The following SLC24A4 variants were observed in gnomAD, a reference collection of about 807,000 sequenced individuals.
SLC24A4 encodes the protein sodium/potassium/calcium exchanger 4.
A neutral mutation model predicts 79.0 loss-of-function variants in SLC24A4; 53 were observed. The observed-to-expected ratio is 0.67, with a 90% CI of 0.54 to 0.84. The LOEUF (loss-of-function observed/expected upper bound fraction) is 0.84. SLC24A4 is among the 40% of genes least tolerant of loss of function. The probability of loss-of-function intolerance (pLI) is 0.00; values close to 1 mark genes in which losing one functional copy is unlikely to be tolerated. For synonymous variants in SLC24A4, 323 were observed against 323.8 expected, an observed-to-expected ratio of 1.00 and a Z score of 0.03; for missense variants, 731 against 822.0, an observed-to-expected ratio of 0.89 and a Z score of 1.35.
At position 92,493,608 on chromosome 14, in the gene SLC24A4, A is replaced by T; in HGVS notation, c.1849A>T (p.Met617Leu). 1 of 1,614,156 alleles carries T rather than the reference A, an allele frequency of 6.2e-7. No individual in the cohort carries two copies. ...FNVFTFVNLP[M>L]CREDD ...CGTCTTTACCTTCGTCAACTTGCCG[A>T]TGTGCCGGGAAGACGATTAGCGCTG... The change falls in exon 17 of 17, where the codon ATG (methionine) becomes TTG (leucine). Residue 617 changes from methionine (M) to leucine (L), a missense_variant. Coordinates refer to ENST00000532405, the MANE Select transcript of SLC24A4 (RefSeq NM_153646.4).
intron 8 of SLC24A4, among the ~76,000 whole-genome samples, chr14:92,446,474 G>A (rs1024419048): frequency 7.2e-5 from 11 of 152,186 alleles, no homozygotes; most frequent in African/African-American, 1.9e-4. Context: ...CAATCAGGCC[G>A]AGGACATCAG....
intron 12 of SLC24A4, among the ~76,000 whole-genome samples, chr14:92,458,105 A>C (rs919257244): frequency 6.6e-6 from 1 of 152,180 alleles, no homozygotes; most frequent in Non-Finnish European, 1.5e-5. Context: ...CTCTTCCCAA[A>C]ATGCCAGGCC....
intron 2 of SLC24A4, among the ~76,000 whole-genome samples, chr14:92,347,788 T>A (rs952208151): frequency 6.6e-6 from 1 of 151,882 alleles, no homozygotes; most frequent in Non-Finnish European, 1.5e-5. Context: ...TTAGCCAGGC[T>A]TGGTGGTGGG....
chr14:92,342,758 A>G (rs1397369209), intron 2 of SLC24A4, among the ~76,000 whole-genome samples: 2 of 152,236 alleles, frequency 1.3e-5, no homozygotes, highest in African/African-American at 4.8e-5. Context: ...AAGAATTTCC[A>G]TGGCTTTTTA....
chr14:92,347,627 G>C lies in SLC24A4; in HGVS notation c.241+21649G>C, dbSNP rs376334997. 1.9e-4 allele frequency among the ~76,000 whole-genome samples: 29 copies of C among 152,144 alleles called. No individual in the cohort carries two copies. The East Asian group carries it at 3.7e-3, about 19-fold the overall frequency. On this transcript the variant is annotated intron_variant, in intron 2 of 16. Transcript: ENST00000532405. Reference sequence around the variant, plus strand: ...TCTCAAGGCTTTTTGGAAGTATTTGGGTTATAAAAATACTTTCAAGGCCGG... The same window carrying C: ...TCTCAAGGCTTTTTGGAAGTATTTGCGTTATAAAAATACTTTCAAGGCCGG...
chr14:92,464,818 C>T (rs1894012304), intron 12 of SLC24A4, among the ~76,000 whole-genome samples: 2 of 152,200 alleles, frequency 1.3e-5, no homozygotes, highest in African/African-American at 4.8e-5. Flanking sequence ...TGAAGAAAAG[C>T]AGTGAAGCCA....
rs1191862570 is a variant in SLC24A4, at chr14:92,496,524, C to A, written c.*2896C>A. On this transcript the variant is annotated 3_prime_UTR_variant, in exon 17 of 17. Coordinates refer to ENST00000532405, the MANE Select transcript of SLC24A4 (RefSeq NM_153646.4). ...CTCAGATGGAAAATGCCTATAGACA[C>A]AGGAGCAGGTGGTTCCTGTGGACTT... The A allele has an allele frequency of 1.3e-5, 2 of 151,946 alleles. No individual in the cohort carries two copies. The highest frequency in any genetic ancestry group is 4.8e-5 in the African/African-American group (2 of 41,332). 9.4% of individuals were successfully genotyped at this position (151,946 alleles called of 1,614,324 possible). A position where few individuals can be genotyped will look rare whatever the true frequency, so the allele number is the denominator to read the frequency against.
chr14:92,443,445 T>A lies in SLC24A4; in HGVS notation c.628T>A (p.Tyr210Asn), dbSNP rs1054170620. The A allele has an allele frequency of 2.5e-6, 4 of 1,614,078 alleles. No individual in the cohort carries two copies. Among genetic ancestry groups the A allele is most frequent in the African/African-American group, 1.3e-5 (1 of 74,934 alleles). Residue 210 changes from tyrosine (Y) to asparagine (N), a missense_variant, in exon 7 of 17, where the codon TAC (tyrosine) becomes AAC (asparagine). By Grantham distance (143) the Tyr-to-Asn change is moderately radical. Transcript: ENST00000532405. ...WWAVCRDSVY[Y>N]TISVIVLIVF... Reference sequence around the variant, plus strand: ...GGCCGTGTGCCGAGACTCCGTGTACTACACCATCTCTGTCATCGTGCTCAT... The same window carrying A: ...GGCCGTGTGCCGAGACTCCGTGTACAACACCATCTCTGTCATCGTGCTCAT...
chr14:92,436,391 CTATT>C (rs1892169142), intron 3 of SLC24A4, among the ~76,000 whole-genome samples: 1 of 152,148 alleles, frequency 6.6e-6, no homozygotes, highest in African/African-American at 2.4e-5. Flanking sequence ...GTGGAAGTGA[CTATT>C]TGGCCAGCAA....
At chr14:92,380,382 C>T (rs1375070094) in intron 2 of SLC24A4, among the ~76,000 whole-genome samples, 1 of 152,190 alleles carries the variant, frequency 6.6e-6, no homozygotes, top group Non-Finnish European at 1.5e-5. Flanking sequence ...TGGCACGTGG[C>T]CGCATTCCTG....
At chr14:92,440,292 A>G (rs1465065172) in intron 4 of SLC24A4, among the ~76,000 whole-genome samples, 1 of 152,166 alleles carries the variant, frequency 6.6e-6, no homozygotes, top group African/African-American at 2.4e-5. Flanking sequence ...GCTCGCCTCC[A>G]TCCAGACGCT....
rs745417461 is a variant in SLC24A4 at position 92,493,449 on chromosome 14, C to A, written c.1717-27C>A. 1.1e-5 allele frequency: 18 copies of A among 1,612,742 alleles called. 1 individual carries two copies. The South Asian group carries it at 1.8e-4, about 16-fold the overall frequency. ...CTCTTGTATTTCTTTGCCCTGCAAGCCCAGTTCCCACACTCTGTCCTCCCA... is the reference window on the plus strand; with the variant it reads ...CTCTTGTATTTCTTTGCCCTGCAAGACCAGTTCCCACACTCTGTCCTCCCA... On this transcript the variant is annotated intron_variant, in intron 16 of 16. Transcript: ENST00000532405.
rs149337732 is a variant in SLC24A4 at position 92,333,370 on chromosome 14, C to T, written c.241+7392C>T. Among the ~76,000 whole-genome samples the T allele has an allele frequency of 1.3e-3, 199 of 152,324 alleles. 2 individuals carry two copies. Among genetic ancestry groups the T allele is most frequent in the African/African-American group, 4.5e-3 (189 of 41,576 alleles). ...TCTGCCTCCCAAAGTGCTGGGATTA[C>T]AGGCATGAGCCACTGTGCCCGGCCC... On this transcript the variant is annotated intron_variant, in intron 2 of 16. Coordinates refer to ENST00000532405, the MANE Select transcript of SLC24A4 (RefSeq NM_153646.4).
At chr14:92,341,418 G>C (rs1485670218) in intron 2 of SLC24A4, among the ~76,000 whole-genome samples, 1 of 152,172 alleles carries the variant, frequency 6.6e-6, no homozygotes, top group East Asian at 1.9e-4. Flanking sequence ...CCCAGAAAGA[G>C]GTGGAAACTC....
chr14:92,385,704 T>C (rs8020526), intron 2 of SLC24A4, among the ~76,000 whole-genome samples: 69,494 of 151,864 alleles, frequency 0.46, 17,604 homozygotes, highest in African/African-American at 0.69. Flanking sequence ...GGATGCACTC[T>C]GGGGCTTCTG....
In SLC24A4 at chr14:92,328,749, G is replaced by A. The variant is rs867999960; in HGVS notation, c.241+2771G>A. On this transcript the variant is annotated intron_variant, in intron 2 of 16. Transcript: ENST00000532405. ...CTGTTGGGCTGGGTTGGCTTGGGCCGCATGACCACCCTTGCAGATTGATCT... is the reference window on the plus strand; with the variant it reads ...CTGTTGGGCTGGGTTGGCTTGGGCCACATGACCACCCTTGCAGATTGATCT... 5.9e-5 allele frequency among the ~76,000 whole-genome samples: 9 copies of A among 152,240 alleles called. No homozygotes were observed. The East Asian group carries it at 1.2e-3, about 20-fold the overall frequency.
intron 2 of SLC24A4, among the ~76,000 whole-genome samples, chr14:92,419,412 C>T (rs531710990): frequency 3.7e-4 from 57 of 152,306 alleles, no homozygotes; most frequent in African/African-American, 9.6e-4. Context: ...GCTACCTTCC[C>T]GCAGATGTTC....
intron 2 of SLC24A4, among the ~76,000 whole-genome samples, chr14:92,333,903 A>G (rs1458373160): frequency 6.6e-6 from 1 of 151,848 alleles, no homozygotes; most frequent in Non-Finnish European, 1.5e-5. Flanking sequence ...AGATGAGATC[A>G]CCAAGCAGGT....
chr14:92,460,731 A>T (rs1383533538), intron 12 of SLC24A4, among the ~76,000 whole-genome samples: 1 of 152,100 alleles, frequency 6.6e-6, no homozygotes, highest in Non-Finnish European at 1.5e-5. Context: ...ATGACCACAC[A>T]ATGTTCTTTA....
Sources: gnomAD v4.1 joint callset for allele counts (sites outside exome capture counted in the v4.1 genomes callset) on GRCh38, gnomAD v4.1.1 for gene constraint, MANE v1.5 for transcripts, NCBI Gene and HGNC (gene_info 2026-07-23, HGNC 2026-07-21) for gene names.